The following PHF8 variants were observed in gnomAD, a reference collection of about 807,000 sequenced individuals.
PHF8 encodes PHD finger protein 8, also known as histone lysine demethylase PHF8.
A neutral mutation model predicts 74.4 loss-of-function variants in PHF8; 9 were observed. The observed-to-expected ratio is 0.12, with a 90% CI of 0.07 to 0.21. The LOEUF is 0.21. PHF8 is among the 10% of genes least tolerant of loss of function. The pLI is 1.00. For missense variants in PHF8, 478 were observed against 816.6 expected (o/e 0.59, Z 5.05); for synonymous variants, 311 against 316.6 (o/e 0.98, Z 0.19).
At chrX:53,963,409 T>C (rs1484184566) in intron 18 of PHF8, among the ~76,000 whole-genome samples, 1 of 111,737 alleles carries the variant, frequency 8.9e-6, no homozygotes, top group African/African-American at 3.3e-5. Context: ...TATGTATTAT[T>C]TATTTCAAAT....
At chrX:53,986,410 T>A (rs112147842) in intron 16 of PHF8, among the ~76,000 whole-genome samples, 4,579 of 111,586 alleles carry the variant, frequency 0.041, 99 homozygotes, top group Non-Finnish European at 0.065. Flanking sequence ...CCCAGCTAAT[T>A]TTTTAGCAGA....
intron 2 of PHF8, among the ~76,000 whole-genome samples, chrX:54,023,165 C>T (rs1412861348): frequency 1.8e-4 from 20 of 110,356 alleles, no homozygotes; most frequent in Non-Finnish European, 5.7e-5. Context: ...TTAGTAGAGA[C>T]GAGGTTTCAC....
At chrX:53,943,232 C>G in intron 20 of PHF8, 1 of 932,036 alleles carries the variant, frequency 1.1e-6, no homozygotes, top group South Asian at 3.8e-5. Context: ...AAGAAGATTG[C>G]CAAAGATTTA....
At chrX:53,951,762 G>C (rs2064927263) in intron 19 of PHF8, among the ~76,000 whole-genome samples, 1 of 110,291 alleles carries the variant, frequency 9.1e-6, no homozygotes, top group Non-Finnish European at 1.9e-5. Context: ...AACGACAACA[G>C]AATTTTGAAA....
At chrX:54,030,786 C>T (rs782441394) in intron 2 of PHF8, among the ~76,000 whole-genome samples, 4 of 111,996 alleles carry the variant, frequency 3.6e-5, no homozygotes, top group Non-Finnish European at 7.5e-5. Context: ...GCTTAGGAGC[C>T]AAACTGCCTG....
At chrX:53,975,237 T>G (rs916902396) in intron 18 of PHF8, among the ~76,000 whole-genome samples, 2 of 111,997 alleles carry the variant, frequency 1.8e-5, no homozygotes, top group African/African-American at 3.2e-5. Context: ...TCTTCAGCAT[T>G]TGGAGAAAGA....
intron 19 of PHF8, among the ~76,000 whole-genome samples, chrX:53,945,461 G>C (rs782303219): frequency 1.6e-3 from 174 of 110,416 alleles, no homozygotes; most frequent in Admixed American, 2.9e-3. Context: ...AGTGAGCAGA[G>C]ATTGCATCAC....
chrX:53,996,156 G>A (rs1264883586), intron 11 of PHF8, among the ~76,000 whole-genome samples: 1 of 107,129 alleles, frequency 9.3e-6, no homozygotes, highest in Non-Finnish European at 1.9e-5. Flanking sequence ...CACTATTGTT[G>A]CCCAGGCTGA....
At chrX:53,991,661 C>CAAAAAAAAAAAAAAAAAAAAAAAAA in intron 14 of PHF8, among the ~76,000 whole-genome samples, 1 of 16,754 alleles carries the variant, frequency 6.0e-5, no homozygotes, top group Non-Finnish European at 1.1e-4. Flanking sequence ...GACTCTGTCT[C>CAAAAAAAAAAAAAAAAAAAAAAAAA]AAAAAAAAAA....
chrX:53,944,483 T>C, intron 19 of PHF8: 1 of 380,937 alleles, frequency 2.6e-6, no homozygotes, highest in South Asian at 4.0e-5. Context: ...GTGAACCTCC[T>C]TTGGCTGGGC....
At chrX:54,045,276 T>A (rs1323218137), upstream of PHF8, 8 of 163,418 alleles carry the variant, frequency 4.9e-5, no homozygotes, top group African/African-American at 2.4e-4. Context: ...CTTTGCTGAG[T>A]TAGTGGAGCT....
intron 14 of PHF8, among the ~76,000 whole-genome samples, chrX:53,991,125 A>G (rs917780921): frequency 2.7e-5 from 3 of 112,143 alleles, no homozygotes; most frequent in Non-Finnish European, 5.6e-5. Context: ...AGAACACTGA[A>G]TATGTGTCAC....
At chrX:54,034,808 A>G (rs1557113556) in intron 2 of PHF8, among the ~76,000 whole-genome samples, 1 of 91,882 alleles carries the variant, frequency 1.1e-5, no homozygotes, top group Non-Finnish European at 2.1e-5. Flanking sequence ...TGGGCGACAG[A>G]GCGAGACTTC....
rs782610068 is a variant in PHF8, at chrX:53,940,462, C to T, written c.2704G>A (p.Glu902Lys). 2.5e-6 allele frequency: 3 copies of T among 1,208,120 alleles called. No homozygotes were observed. Among genetic ancestry groups the T allele is most frequent in the Non-Finnish European group, 3.4e-6 (3 of 893,911 alleles). ...TCTTGAGGGCGAGGCTGTTCTACCT[C>T]CTTCAGCAAAGGCTTCTTCTTGATA... ...KYIKKKPLLK[E>K]VEQPRPQDSN... The change falls in exon 21 of 22, where the codon GAG becomes AAG. Residue 902 changes from glutamate (E) to lysine (K), a missense_variant. Glu to Lys is a moderately conservative substitution (Grantham distance 56, BLOSUM62 1). Around this residue, in one of 9 missense-constraint regions of PHF8, gnomAD observed 75 missense variants for 93.3 expected, o/e 0.80. Coordinates refer to ENST00000338154, the MANE Select transcript of PHF8 (RefSeq NM_015107.3).
Position 53,985,040 on chromosome X carries a change from G to C in PHF8, c.2317C>G (p.Arg773Gly). ...GTVSNSPASQ[R>G]TPGKRPIKRP... The stretch of plus-strand genomic sequence containing the variant: ...TTGATGGGCCGCTTCCCTGGGGTGC[G>C]CTGGGAAGCAGGACTGTTAGACACT... The change falls in exon 18 of 22, where the codon CGC (arginine) becomes GGC (glycine). Residue 773 changes from arginine (R) to glycine (G), a missense_variant. Arg to Gly is a moderately radical substitution (Grantham distance 125). This residue lies in a region of PHF8 where 51 missense variants were observed against 45.8 expected (regional missense o/e 1.11). Coordinates refer to ENST00000338154, the MANE Select transcript of PHF8 (RefSeq NM_015107.3). The C allele has an allele frequency of 1.7e-6, 2 of 1,209,787 alleles. No homozygotes were observed. Among genetic ancestry groups the C allele is most frequent in the Non-Finnish European group, 2.2e-6 (2 of 893,789 alleles).
chrX:54,008,368 CGTCA>C (rs2065928346), intron 8 of PHF8, among the ~76,000 whole-genome samples: 1 of 63,307 alleles, frequency 1.6e-5, no homozygotes, highest in Non-Finnish European at 3.0e-5. Context: ...AGCAATACTC[CGTCA>C]AAAAAAAAAA....
chrX:54,023,276 C>T (rs1173413458), intron 2 of PHF8, among the ~76,000 whole-genome samples: 2 of 110,875 alleles, frequency 1.8e-5, no homozygotes, highest in African/African-American at 3.3e-5. Flanking sequence ...CACGCCCAGC[C>T]TTATAACCTA....
rs897609968 is a variant in PHF8, at chrX:53,958,622, G to A, written c.2539+4222C>T. ...CGGTGAAACCCCATCTCTACTAAAA[G>A]TACAAAAAATTAGCATGGTGGCGGG... On this transcript the variant is annotated intron_variant, in intron 19 of 21. Transcript: ENST00000338154. Among the ~76,000 whole-genome samples, 14 of 104,736 alleles carry A rather than the reference G, an allele frequency of 1.3e-4. No individual in the cohort carries two copies. In the Admixed American group the frequency reaches 1.5e-3, roughly 11 times the overall value. 91.0% of individuals were successfully genotyped at this position (104,736 alleles called of 115,157 possible).
chrX:54,034,749 G>C (rs1557113510), intron 2 of PHF8, among the ~76,000 whole-genome samples: 10 of 108,052 alleles, frequency 9.3e-5, no homozygotes. Context: ...TTTAAACCTG[G>C]AGGGGCGGAG....
Sources: allele counts gnomAD v4.1 joint callset (sites outside exome capture counted in the v4.1 genomes callset), GRCh38; gene constraint gnomAD v4.1.1; regional missense constraint gnomAD v4.1.1; transcripts MANE v1.5; gene names NCBI Gene and HGNC (gene_info 2026-07-23, HGNC 2026-07-21).